Variants in FBXO45 observed in about 807,000 individuals in gnomAD.
The protein encoded by FBXO45 is F-box/SPRY domain-containing protein 1.
Under a neutral mutation model 25.5 loss-of-function variants are expected in FBXO45, and 3 were observed. The ratio of observed to expected loss-of-function variants is 0.12; its 90% CI spans 0.05 to 0.30. FBXO45 has a LOEUF of 0.30. Among genes scored for constraint, FBXO45 ranks in the 10% least tolerant of loss-of-function variants. The pLI is 1.00. For synonymous variants in FBXO45, 155 were observed against 149.8 expected, an observed-to-expected ratio of 1.03 and a Z score of -0.25; for missense variants, 219 against 365.0, an observed-to-expected ratio of 0.60 and a Z score of 3.26.
At chr3:196,575,312 C>G (rs921885434) in intron 1 of FBXO45, among the ~76,000 whole-genome samples, 5 of 151,806 alleles carry the variant, frequency 3.3e-5, no homozygotes, top group African/African-American at 1.2e-4. Flanking sequence ...AAAAATTAGC[C>G]GGGTGTGGTG....
chr3:196,583,197 GT>G (rs1294085936), intron 2 of FBXO45, among the ~76,000 whole-genome samples: 2 of 152,120 alleles, frequency 1.3e-5, no homozygotes, highest in Admixed American at 1.3e-4. Context: ...TTTCATTTCT[GT>G]TTATGGCTGA....
chr3:196,571,068 G>A (rs139507784), intron 1 of FBXO45, among the ~76,000 whole-genome samples: 10 of 152,298 alleles, frequency 6.6e-5, no homozygotes, highest in African/African-American at 2.2e-4. Flanking sequence ...TTTGTGCGTG[G>A]TGGCTATTCA....
In FBXO45 at chr3:196,585,665, G is replaced by C. The variant is rs1428886992; in HGVS notation, c.*1347G>C. 2 of 152,142 alleles carry C rather than the reference G, an allele frequency of 1.3e-5. No homozygotes were observed. Among genetic ancestry groups the C allele is most frequent in the Non-Finnish European group, 2.9e-5 (2 of 68,012 alleles). The allele number at this position is 152,142 out of a possible 1,614,324, so 9.4% of individuals were successfully genotyped here. On this transcript the variant is annotated 3_prime_UTR_variant, in exon 3 of 3. Transcript: ENST00000311630. The stretch of plus-strand genomic sequence containing the variant: ...AAATCTTGTTTCTCATCACTAAAAT[G>C]CTTTTGAATTAATAATCCAACCCAC...
intron 2 of FBXO45, among the ~76,000 whole-genome samples, chr3:196,582,221 C>CT (rs1258763843): frequency 6.6e-6 from 1 of 152,172 alleles, no homozygotes; most frequent in Middle Eastern, 3.2e-3. Context: ...GTAATCGTTA[C>CT]TTAGTTTCAA....
chr3:196,574,940 T>C (rs1312325937), intron 1 of FBXO45, among the ~76,000 whole-genome samples: 1 of 152,208 alleles, frequency 6.6e-6, no homozygotes, highest in Non-Finnish European at 1.5e-5. Context: ...CAGAAGAATT[T>C]GCAGTTGGTG....
At position 196,588,939 on chromosome 3, in the gene FBXO45, C is replaced by G. The variant is rs537615875; in HGVS notation, c.*4621C>G. ...ATGCATTTAGCCACTCCCCTCTACT[C>G]AAAAATACTGGTAAACTCTGATTTT... On this transcript the variant is annotated 3_prime_UTR_variant, in exon 3 of 3. Coordinates refer to ENST00000311630, the MANE Select transcript of FBXO45 (RefSeq NM_001105573.2). This position sits in a 1 kb window ranked among gnomAD's most constrained non-coding sequence, Gnocchi z 4.2. The G allele has an allele frequency of 6.6e-6, 1 of 152,278 alleles. No homozygotes were observed. Among genetic ancestry groups the G allele is most frequent in the East Asian group, 1.9e-4 (1 of 5,188 alleles). The allele number at this position is 152,278 out of a possible 1,614,324, so 9.4% of individuals were successfully genotyped here.
chr3:196,576,324 A>C (rs979619234), intron 1 of FBXO45, among the ~76,000 whole-genome samples: 7 of 152,184 alleles, frequency 4.6e-5, no homozygotes, highest in African/African-American at 1.7e-4. Flanking sequence ...GGTTAGCTGA[A>C]GCATAGGTCC....
chr3:196,572,041 C>T (rs546824734), intron 1 of FBXO45, among the ~76,000 whole-genome samples: 1 of 152,198 alleles, frequency 6.6e-6, no homozygotes, highest in African/African-American at 2.4e-5. Context: ...GAGGAATTTA[C>T]AAACTGAGTG....
chr3:196,580,275 A>C (rs1225573985), intron 2 of FBXO45, among the ~76,000 whole-genome samples: 1 of 147,892 alleles, frequency 6.8e-6, no homozygotes, highest in East Asian at 2.0e-4. Context: ...GCATGATCTC[A>C]GCTCACCGCA....
At chr3:196,570,320 C>A (rs1735788643) in intron 1 of FBXO45, among the ~76,000 whole-genome samples, 1 of 150,712 alleles carries the variant, frequency 6.6e-6, no homozygotes, top group African/African-American at 2.4e-5. Context: ...TCACCGCAAC[C>A]TCCGCCTTCC....
intron 2 of FBXO45, among the ~76,000 whole-genome samples, chr3:196,582,083 C>G (rs1422124331): frequency 1.3e-5 from 2 of 152,092 alleles, no homozygotes; most frequent in Admixed American, 1.3e-4. Flanking sequence ...TCTAAGTTTC[C>G]AGTTGCTCTG....
chr3:196,583,370 G>C (rs1014063876), intron 2 of FBXO45, among the ~76,000 whole-genome samples: 6 of 152,038 alleles, frequency 3.9e-5, no homozygotes, highest in Non-Finnish European at 8.8e-5. Context: ...GCCGGGCGTG[G>C]TGGCGGGCAC....
At chr3:196,573,309 A>G (rs957944762) in intron 1 of FBXO45, among the ~76,000 whole-genome samples, 2 of 152,190 alleles carry the variant, frequency 1.3e-5, no homozygotes, top group Admixed American at 6.5e-5. Flanking sequence ...GAAAGGAAGT[A>G]GTGGGAAATA....
At position 196,569,476 on chromosome 3, in the gene FBXO45, A is replaced by C. The variant is rs1735744497; in HGVS notation, c.318+174A>C. 6.6e-6 allele frequency among the ~76,000 whole-genome samples: 1 copy of C among 152,028 alleles called. No homozygotes were observed. The highest frequency in any genetic ancestry group is 1.5e-5 in the Non-Finnish European group (1 of 68,002). On this transcript the variant is annotated intron_variant, in intron 1 of 2. Transcript: ENST00000311630. This position sits in a 1 kb window ranked among gnomAD's most constrained non-coding sequence, Gnocchi z 4.1. ...AAGATAAAGATTCTCTTTTCTTTGG[A>C]TCGAAGTTCTGCTCCTTAACCCATC...
intron 1 of FBXO45, among the ~76,000 whole-genome samples, chr3:196,570,568 G>C (rs1379265645): frequency 1.3e-5 from 2 of 151,974 alleles, no homozygotes; most frequent in African/African-American, 2.4e-5. Context: ...TGCCAACAGG[G>C]GTCGGAGTAA....
chr3:196,576,797 A>T (rs1305691370), intron 1 of FBXO45, among the ~76,000 whole-genome samples: 2 of 152,214 alleles, frequency 1.3e-5, no homozygotes, highest in African/African-American at 4.8e-5. Context: ...TGTGTAAGTC[A>T]TATCCAGCAA....
rs1443646906 is a variant in FBXO45 at position 196,584,907 on chromosome 3, A to G, written c.*589A>G. On this transcript the variant is annotated 3_prime_UTR_variant, in exon 3 of 3. Transcript: ENST00000311630. The surrounding 1 kb of genome is among the most constrained non-coding windows in gnomAD (Gnocchi z 4.3). ...AAAAACTGTAAAAAAGAAAGGACAA[A>G]CAGGTTGTTTTGTTCTAGTTCTAAT... is the stretch of plus-strand genomic sequence containing the variant. The G allele has an allele frequency of 6.6e-6, 1 of 152,132 alleles. No homozygotes were observed. Among genetic ancestry groups the G allele is most frequent in the African/African-American group, 2.4e-5 (1 of 41,454 alleles). The allele number at this position is 152,132 out of a possible 1,614,324, so 9.4% of individuals were successfully genotyped here.
Position 196,585,661 on chromosome 3 carries a change from A to T in FBXO45, c.*1343A>T, listed in dbSNP as rs1736092417. 1 of 152,200 alleles carries T rather than the reference A, an allele frequency of 6.6e-6. No individual in the cohort carries two copies. Among genetic ancestry groups the T allele is most frequent in the South Asian group, 2.1e-4 (1 of 4,832 alleles). 9.4% of individuals were successfully genotyped at this position (152,200 alleles called of 1,614,324 possible). On this transcript the variant is annotated 3_prime_UTR_variant, in exon 3 of 3. Coordinates refer to ENST00000311630, the MANE Select transcript of FBXO45 (RefSeq NM_001105573.2). ...TTACAAATCTTGTTTCTCATCACTA[A>T]AATGCTTTTGAATTAATAATCCAAC...
chr3:196,576,291 G>A (rs961444484), intron 1 of FBXO45, among the ~76,000 whole-genome samples: 3 of 152,204 alleles, frequency 2.0e-5, no homozygotes. Context: ...GACATTCTAT[G>A]CCTCTGGAGT....
Sources: gnomAD v4.1 joint callset for allele counts (sites outside exome capture counted in the v4.1 genomes callset) on GRCh38, gnomAD v4.1.1 for gene constraint, Gnocchi (gnomAD v3.1) non-coding constraint, MANE v1.5 for transcripts, NCBI Gene and HGNC (gene_info 2026-07-23, HGNC 2026-07-21) for gene names.